Variants in PSD3 observed in about 807,000 individuals in gnomAD.
The protein encoded by PSD3 is pleckstrin and Sec7 domain containing 3, also known as PH and SEC7 domain-containing protein 3.
PSD3 carries 49 observed loss-of-function variants against 105.5 expected under a neutral mutation model. The ratio of observed to expected loss-of-function variants is 0.46; its 90% confidence interval spans 0.37 to 0.59. The LOEUF (loss-of-function observed/expected upper bound fraction) is 0.59. Among genes scored for constraint, PSD3 ranks in the 20% least tolerant of loss-of-function variants. The probability of loss-of-function intolerance (pLI) is 0.00; values close to 1 mark genes in which losing one functional copy is unlikely to be tolerated. For missense variants in PSD3, 1,561 were observed against 1,263.8 expected, an observed-to-expected ratio of 1.24 and a Z score of -3.57; for synonymous variants, 557 against 457.8, an observed-to-expected ratio of 1.22 and a Z score of -2.77.
chr8:18,881,368 C>T (rs1484519904), intron 2 of PSD3, among the ~76,000 whole-genome samples: 1 of 152,024 alleles, frequency 6.6e-6, no homozygotes, highest in East Asian at 1.9e-4. Context: ...AGAAAATAAG[C>T]CTGTTCCATA....
At chr8:18,837,848 T>C (rs1212961156) in intron 4 of PSD3, among the ~76,000 whole-genome samples, 1 of 152,184 alleles carries the variant, frequency 6.6e-6, no homozygotes, top group African/African-American at 2.4e-5. Flanking sequence ...CAAGTAATTC[T>C]CCACTTGAAT....
rs1291154785 is a variant in PSD3, at chr8:18,936,109, C to T, written c.55G>A (p.Ala19Thr). 1 of 1,612,800 alleles carries T rather than the reference C, an allele frequency of 6.2e-7. No homozygotes were observed. The highest frequency in any genetic ancestry group is 8.5e-7 in the Non-Finnish European group (1 of 1,179,648). ...GCCTTGGCAACACTCTGGGAATGTG[C>T]AGATGCATTGTTCACCCAAACAAAT... ...ETFVWVNNAS[A>T]HSQSVAKAKY... Residue 19 changes from alanine (A) to threonine (T), a missense_variant, in exon 2 of 16, where the codon GCA becomes ACA. Ala to Thr is a moderately conservative substitution (Grantham distance 58). Coordinates refer to ENST00000327040, the MANE Select transcript of PSD3 (RefSeq NM_015310.4).
rs77244535 is a variant in PSD3 at position 18,538,714 on chromosome 8, A to G, written c.2929-2756T>C. On this transcript the variant is annotated intron_variant, in intron 15 of 15. Coordinates refer to ENST00000327040, the MANE Select transcript of PSD3 (RefSeq NM_015310.4). ...GGGACAGTTTTCCAGTAGTCTTTGA[A>G]TAAAGTGATACTACTAGGAAAATCC... Among the ~76,000 whole-genome samples, 1,060 of 152,356 alleles carry G rather than the reference A, an allele frequency of 7.0e-3. 16 individuals carry two copies. The highest frequency in any genetic ancestry group is 0.024 in the African/African-American group (990 of 41,580).
intron 4 of PSD3, among the ~76,000 whole-genome samples, chr8:18,865,560 T>C (rs1436218441): frequency 6.6e-6 from 1 of 152,136 alleles, no homozygotes; most frequent in South Asian, 2.1e-4. Context: ...TATTATCATA[T>C]GCCAACCTCA....
At chr8:18,873,114 T>C (rs1371911604) in intron 2 of PSD3, among the ~76,000 whole-genome samples, 1 of 152,234 alleles carries the variant, frequency 6.6e-6, no homozygotes, top group East Asian at 1.9e-4. Context: ...AATGTGTATA[T>C]TGGGCTTAAC....
At chr8:18,837,146 C>T (rs1298435438) in intron 4 of PSD3, among the ~76,000 whole-genome samples, 1 of 152,012 alleles carries the variant, frequency 6.6e-6, no homozygotes, top group African/African-American at 2.4e-5. Context: ...ACAGAGACAG[C>T]ATATATATTC....
At chr8:18,748,660 CAAAAAA>C (rs760372508) in intron 9 of PSD3, among the ~76,000 whole-genome samples, 1 of 54,748 alleles carries the variant, frequency 1.8e-5, no homozygotes, top group Admixed American at 1.9e-4. Flanking sequence ...ACTCCGTCTC[CAAAAAA>C]AAAAAAAAAA....
intron 1 of PSD3, among the ~76,000 whole-genome samples, chr8:18,948,536 C>T (rs1212791798): frequency 6.6e-6 from 1 of 152,136 alleles, no homozygotes; most frequent in Admixed American, 6.5e-5. Context: ...TGAGAACAAT[C>T]AAAACAAGTA....
intron 9 of PSD3, among the ~76,000 whole-genome samples, chr8:18,678,032 C>CA (rs1409592184): frequency 6.8e-6 from 1 of 147,526 alleles, no homozygotes; most frequent in African/African-American, 2.5e-5. Flanking sequence ...ACAAAGTAAA[C>CA]AAAAAAACCC....
intron 2 of PSD3, among the ~76,000 whole-genome samples, chr8:18,922,757 A>G (rs1295197263): frequency 6.6e-6 from 1 of 152,166 alleles, no homozygotes. Flanking sequence ...GGTTCGATTA[A>G]TCTGCTAAAT....
At chr8:19,074,745 C>T (rs531544488) in intron 1 of PSD3, among the ~76,000 whole-genome samples, 20 of 149,676 alleles carry the variant, frequency 1.3e-4, no homozygotes, top group Admixed American at 1.1e-3. Flanking sequence ...CTCAGCCTCC[C>T]GAGTAGCTGG....
chr8:18,963,354 T>G (rs951408529), intron 1 of PSD3, among the ~76,000 whole-genome samples: 1 of 152,236 alleles, frequency 6.6e-6, no homozygotes, highest in Non-Finnish European at 1.5e-5. Context: ...CCTGAATTTG[T>G]GTTTCTAAAC....
chr8:18,889,612 T>C (rs1818656944), intron 2 of PSD3, among the ~76,000 whole-genome samples: 1 of 152,128 alleles, frequency 6.6e-6, no homozygotes. Context: ...CAATAAAGGC[T>C]CTGGGCCATG....
intron 10 of PSD3, among the ~76,000 whole-genome samples, chr8:18,644,992 C>T (rs1807927605): frequency 6.6e-6 from 1 of 152,130 alleles, no homozygotes; most frequent in African/African-American, 2.4e-5. Flanking sequence ...TGCCCTTCTC[C>T]TAGTAAGGCA....
chr8:18,685,900 G>A (rs956087879), intron 9 of PSD3, among the ~76,000 whole-genome samples: 2 of 152,060 alleles, frequency 1.3e-5, no homozygotes, highest in Non-Finnish European at 2.9e-5. Context: ...CTCTGTGTGG[G>A]GATAAAGACA....
chr8:19,033,316 C>G (rs553974139), intron 1 of PSD3, among the ~76,000 whole-genome samples: 45 of 151,976 alleles, frequency 3.0e-4, no homozygotes, highest in Admixed American at 1.2e-3. Context: ...TAGTTTATTC[C>G]GCCTCTACTG....
At chr8:18,916,083 C>T (rs527386383) in intron 2 of PSD3, among the ~76,000 whole-genome samples, 67 of 151,482 alleles carry the variant, frequency 4.4e-4, no homozygotes, top group African/African-American at 1.4e-3. Context: ...GCAAAAAGAG[C>T]GAAACTCCGA....
At chr8:18,842,098 G>A (rs1814674788) in intron 4 of PSD3, among the ~76,000 whole-genome samples, 2 of 152,064 alleles carry the variant, frequency 1.3e-5, no homozygotes, top group Non-Finnish European at 2.9e-5. Flanking sequence ...CAAAGTCTTG[G>A]AATACCAAGA....
intron 1 of PSD3, among the ~76,000 whole-genome samples, chr8:18,952,048 A>G (rs554293429): frequency 1.3e-5 from 2 of 152,310 alleles, no homozygotes; most frequent in South Asian, 4.1e-4. Flanking sequence ...CAGTCTCACA[A>G]ATACTGCATT....
Sources: allele counts gnomAD v4.1 joint callset (sites outside exome capture counted in the v4.1 genomes callset), GRCh38; gene constraint gnomAD v4.1.1; transcripts MANE v1.5; gene names NCBI Gene and HGNC (gene_info 2026-07-23, HGNC 2026-07-21).